The following CFAP44 variants were observed in gnomAD, a reference collection of about 807,000 sequenced individuals.
CFAP44 encodes the protein cilia and flagella associated protein 44, also known as cilia- and flagella-associated protein 44.
Under a neutral mutation model 216.2 loss-of-function variants are expected in CFAP44, and 134 were observed. That is an observed-to-expected ratio of 0.62 (90% CI 0.54 to 0.72). The LOEUF is 0.72. CFAP44 is among the 30% of genes least tolerant of loss of function. The pLI, the probability that CFAP44 is intolerant of heterozygous loss-of-function variation, is 0.00. For missense variants in CFAP44, 2,035 were observed against 2,182.1 expected, an observed-to-expected ratio of 0.93 and a Z score of 1.34; for synonymous variants, 700 against 727.6, an observed-to-expected ratio of 0.96 and a Z score of 0.61.
chr3:113,374,287 A>C (rs984775937), intron 17 of CFAP44, among the ~76,000 whole-genome samples: 8 of 152,116 alleles, frequency 5.3e-5, no homozygotes, highest in Non-Finnish European at 1.5e-5. Flanking sequence ...AAATAGCAAG[A>C]TCCAAAAAAG....
intron 5 of CFAP44, 113 bp from the exon 6 acceptor site, chr3:113,416,740 A>T (rs913395644): frequency 4.2e-6 from 3 of 713,514 alleles, no homozygotes; most frequent in Middle Eastern, 4.2e-4. Flanking sequence ...CTTTACTCTA[A>T]TAGAAAACTC....
intron 22 of CFAP44, among the ~76,000 whole-genome samples, chr3:113,347,715 T>G (rs1950399776): frequency 6.6e-6 from 1 of 152,144 alleles, no homozygotes; most frequent in Admixed American, 6.5e-5. Context: ...GCTTCAGAAA[T>G]GATATCCTTC....
chr3:113,386,092 T>C (rs1187645808), intron 15 of CFAP44, among the ~76,000 whole-genome samples: 1 of 152,222 alleles, frequency 6.6e-6, no homozygotes, highest in Non-Finnish European at 1.5e-5. Flanking sequence ...AGGTGGGATG[T>C]ATATATATTC....
At position 113,326,469 on chromosome 3, in the gene CFAP44, TC is replaced by T; in HGVS notation, c.4491del (p.Glu1500LysfsTer67). ...KVLKKKIKRV[K>X]KKEVEGDADE... ...CCAGCATCTCCTTCAACTTCTTTTT[TC>T]TTTACCCGTTTAATCTTCTTCTTTA... On this transcript the variant is annotated frameshift_variant, in exon 28 of 35. Transcript: ENST00000393845. LOFTEE classifies it high-confidence loss of function. The T allele has an allele frequency of 6.6e-7, 1 of 1,506,452 alleles. No individual in the cohort carries two copies. 93.3% of individuals were successfully genotyped at this position (1,506,452 alleles called of 1,614,324 possible).
At chr3:113,367,671 C>A (rs1029274440) in intron 18 of CFAP44, among the ~76,000 whole-genome samples, 2 of 152,184 alleles carry the variant, frequency 1.3e-5, no homozygotes, top group African/African-American at 4.8e-5. Context: ...CAGAGCACCT[C>A]TTCTCCTCCA....
chr3:113,363,698 A>G (rs1290353426), intron 19 of CFAP44, among the ~76,000 whole-genome samples, 166 bp from the exon 20 acceptor site: 1 of 152,170 alleles, frequency 6.6e-6, no homozygotes, highest in African/African-American at 2.4e-5. Flanking sequence ...TCCAAGGAAA[A>G]AAATGCAGTT....
intron 28 of CFAP44, among the ~76,000 whole-genome samples, chr3:113,314,772 G>C (rs1302596619): frequency 1.3e-5 from 2 of 152,070 alleles, no homozygotes; most frequent in Non-Finnish European, 2.9e-5. Flanking sequence ...GGATGTAATG[G>C]TAAGTAAGGT....
intron 25 of CFAP44, among the ~76,000 whole-genome samples, chr3:113,332,060 G>C (rs1234563229): frequency 6.6e-6 from 1 of 152,146 alleles, no homozygotes; most frequent in Admixed American, 6.6e-5. Context: ...GTAGAAAAAG[G>C]TGTTCTATGT....
chr3:113,439,530 CTT>C (rs1935310602), intron 1 of CFAP44, among the ~76,000 whole-genome samples: 1 of 152,070 alleles, frequency 6.6e-6, no homozygotes, highest in African/African-American at 2.4e-5. Flanking sequence ...CTTTAAAACC[CTT>C]GTTTTCCTTT....
intron 28 of CFAP44, among the ~76,000 whole-genome samples, chr3:113,319,594 G>T (rs114587314): frequency 2.1e-4 from 32 of 151,546 alleles, no homozygotes; most frequent in Non-Finnish European, 3.4e-4. Context: ...GACCTAATAC[G>T]CATCTACAGA....
intron 15 of CFAP44, among the ~76,000 whole-genome samples, chr3:113,385,810 A>ATT (rs34847590): frequency 0.35 from 50,822 of 144,708 alleles, 8,955 homozygotes; most frequent in East Asian, 0.52. Context: ...TAATTTTTGT[A>ATT]TTTTTTTTTT....
intron 17 of CFAP44, among the ~76,000 whole-genome samples, chr3:113,378,284 T>C (rs1933407098): frequency 6.6e-6 from 1 of 152,222 alleles, no homozygotes; most frequent in South Asian, 2.1e-4. Flanking sequence ...TATCCCTTTA[T>C]CCTTTGAACT....
chr3:113,409,036 AGCTCTTAGATCCTCTTAG>A, intron 7 of CFAP44, 52 bp downstream of exon 7: 2 of 648,712 alleles, frequency 3.1e-6, no homozygotes, highest in Non-Finnish European at 2.4e-6. Flanking sequence ...AAAAGTCTCC[AGCTCTTAGATCCTCTTAG>A]AAAAATACTC....
At chr3:113,440,250 CG>C (rs1559951826) in intron 1 of CFAP44, among the ~76,000 whole-genome samples, 4 of 152,002 alleles carry the variant, frequency 2.6e-5, no homozygotes, top group African/African-American at 9.7e-5. Context: ...TTTTAGTAGA[CG>C]GGTTTCCCCA....
intron 28 of CFAP44, among the ~76,000 whole-genome samples, chr3:113,324,970 A>G (rs1170968443): frequency 6.6e-6 from 1 of 152,194 alleles, no homozygotes; most frequent in East Asian, 1.9e-4. Context: ...AGCAATGAAC[A>G]TGAGGACACT....
At chr3:113,370,814 T>A (rs1363395024) in intron 18 of CFAP44, among the ~76,000 whole-genome samples, 1 of 152,198 alleles carries the variant, frequency 6.6e-6, no homozygotes, top group Non-Finnish European at 1.5e-5. Flanking sequence ...ATGACATGAC[T>A]GTATATTTAG....
intron 15 of CFAP44, among the ~76,000 whole-genome samples, chr3:113,385,287 T>A (rs59048818): frequency 0.074 from 11,293 of 152,204 alleles, 482 homozygotes; most frequent in East Asian, 0.15. Context: ...CTAATACAAT[T>A]TCATTCAGAA....
intron 28 of CFAP44, among the ~76,000 whole-genome samples, chr3:113,309,605 C>T (rs1950019818): frequency 6.6e-6 from 1 of 152,196 alleles, no homozygotes; most frequent in African/African-American, 2.4e-5. Context: ...GACCTTTCCA[C>T]TCCAACCTGC....
At chr3:113,370,402 C>A (rs1933110684) in intron 18 of CFAP44, among the ~76,000 whole-genome samples, 1 of 152,210 alleles carries the variant, frequency 6.6e-6, no homozygotes, top group South Asian at 2.1e-4. Flanking sequence ...GGGCTTCACC[C>A]CTGGGATGCA....
Sources: allele counts gnomAD v4.1 joint callset (sites outside exome capture counted in the v4.1 genomes callset), GRCh38; gene constraint gnomAD v4.1.1; transcripts MANE v1.5; gene names NCBI Gene and HGNC (gene_info 2026-07-23, HGNC 2026-07-21).